The following FNDC3B variants were observed in gnomAD, a reference collection of about 807,000 sequenced individuals.
FNDC3B encodes the protein fibronectin type III domain containing 3B.
FNDC3B carries 12 observed loss-of-function variants against 151.5 expected under a neutral mutation model. That is an observed-to-expected ratio of 0.08 (90% CI 0.05 to 0.13). The LOEUF is 0.13. Among genes scored for constraint, FNDC3B ranks in the 10% least tolerant of loss-of-function variants. FNDC3B has a pLI of 1.00. For missense variants in FNDC3B, 1,214 were observed against 1,505.3 expected, an observed-to-expected ratio of 0.81 and a Z score of 3.20; for synonymous variants, 528 against 549.0, an observed-to-expected ratio of 0.96 and a Z score of 0.54.
At chr3:172,278,140 G>T (rs1482246730) in intron 6 of FNDC3B, among the ~76,000 whole-genome samples, 1 of 152,148 alleles carries the variant, frequency 6.6e-6, no homozygotes, top group African/African-American at 2.4e-5. Flanking sequence ...CTGGATAGGA[G>T]ATATACATAT....
chr3:172,105,410 C>T (rs550247827), intron 1 of FNDC3B, among the ~76,000 whole-genome samples: 5 of 152,148 alleles, frequency 3.3e-5, no homozygotes, highest in African/African-American at 1.2e-4. Context: ...TATAATCACT[C>T]ATAAAACATT....
chr3:172,378,388 G>A lies in FNDC3B; in HGVS notation c.3127G>A (p.Glu1043Lys). 1.2e-6 allele frequency: 2 copies of A among 1,614,000 alleles called. No individual in the cohort carries two copies. Among genetic ancestry groups the A allele is most frequent in the South Asian group, 1.1e-5 (1 of 91,066 alleles). ...CGAGGCTGGAGAAGGGCCCTTCTCA[G>A]AAACCTATACCTTCAGCACAACCAA... The part of the protein sequence containing the change: ...ASEAGEGPFS[E>K]TYTFSTTKSV... The change falls in exon 24 of 26, where the codon GAA (glutamate) becomes AAA (lysine). Residue 1043 changes from glutamate to lysine, a missense_variant. Around this residue, in one of 7 missense-constraint regions of FNDC3B, gnomAD observed 284 missense variants for 392.4 expected, o/e 0.72. Coordinates refer to ENST00000415807, the MANE Select transcript of FNDC3B (RefSeq NM_022763.4).
rs1194106960 is a variant in FNDC3B, at chr3:172,352,540, G to C, written c.2515-263G>C. On this transcript the variant is annotated intron_variant, in intron 21 of 25. Transcript: ENST00000415807. This position sits in a 1 kb window ranked among gnomAD's most constrained non-coding sequence, Gnocchi z 4.2. ...GTAAGATGATGTATAAACTGAAATA[G>C]GTCATGCAAATATAAAATATTATTT... Among the ~76,000 whole-genome samples, 1 of 152,050 alleles carries C rather than the reference G, an allele frequency of 6.6e-6. No homozygotes were observed. The highest frequency in any genetic ancestry group is 1.5e-5 in the Non-Finnish European group (1 of 68,010).
intron 23 of FNDC3B, 57 bp downstream of exon 23, chr3:172,362,902 A>AGTTCACACT: frequency 7.5e-7 from 1 of 1,335,248 alleles, no homozygotes; most frequent in Non-Finnish European, 1.1e-6. Context: ...TGTGGGATGA[A>AGTTCACACT]ATCTCAATTG....
At chr3:172,144,527 T>C (rs550250717) in intron 3 of FNDC3B, among the ~76,000 whole-genome samples, 151 of 152,286 alleles carry the variant, frequency 9.9e-4, no homozygotes, top group Non-Finnish European at 1.8e-3. Context: ...ATTTAGGAGA[T>C]AGTCATGACT....
chr3:172,229,128 C>CACACACAT (rs1553775596), intron 4 of FNDC3B, among the ~76,000 whole-genome samples: 14 of 102,260 alleles, frequency 1.4e-4, no homozygotes, highest in African/African-American at 4.6e-4. Flanking sequence ...CACACACACA[C>CACACACAT]ACACACACAA....
chr3:172,112,116 T>C (rs1720006174), intron 1 of FNDC3B, among the ~76,000 whole-genome samples: 1 of 152,234 alleles, frequency 6.6e-6, no homozygotes, highest in Non-Finnish European at 1.5e-5. Flanking sequence ...TTTGAAAATG[T>C]GTATGAATTT....
At chr3:172,328,836 C>G (rs1732485524) in intron 11 of FNDC3B, 116 bp from the exon 12 acceptor site, 1 of 785,390 alleles carries the variant, frequency 1.3e-6, no homozygotes, top group Non-Finnish European at 1.9e-6. Flanking sequence ...TTTGTTCATT[C>G]AAACTAGGAA....
chr3:172,184,938 C>G (rs1724092953), intron 3 of FNDC3B, among the ~76,000 whole-genome samples: 1 of 151,706 alleles, frequency 6.6e-6, no homozygotes, highest in South Asian at 2.1e-4. Context: ...GATTCAGAAG[C>G]AAAGGAAAAG....
intron 25 of FNDC3B, among the ~76,000 whole-genome samples, chr3:172,386,920 G>A (rs1735744588): frequency 6.6e-6 from 1 of 152,082 alleles, no homozygotes; most frequent in Non-Finnish European, 1.5e-5. Context: ...AGTACCACAA[G>A]GAAAGATCTT....
chr3:172,162,863 G>A (rs1443145408), intron 3 of FNDC3B, among the ~76,000 whole-genome samples: 1 of 152,086 alleles, frequency 6.6e-6, no homozygotes, highest in South Asian at 2.1e-4. Context: ...TCTGATCATA[G>A]CACTAACCAA....
chr3:172,083,150 G>A (rs1718367542), intron 1 of FNDC3B, among the ~76,000 whole-genome samples: 1 of 152,180 alleles, frequency 6.6e-6, no homozygotes, highest in Admixed American at 6.5e-5. Flanking sequence ...TCAAGTGATA[G>A]TTAGCCTGCC....
chr3:172,209,122 C>T lies in FNDC3B; in HGVS notation c.188-17749C>T, dbSNP rs1420999732. On this transcript the variant is annotated intron_variant, in intron 3 of 25. Coordinates refer to ENST00000415807, the MANE Select transcript of FNDC3B (RefSeq NM_022763.4). ...CTCATTGCCTACAGTGCGCAGTGAG[C>T]GGGGGTGGGGGTGGGGGTCGTGTTT... Among the ~76,000 whole-genome samples the T allele has an allele frequency of 9.1e-5, 8 of 88,332 alleles. No homozygotes were observed. In the South Asian group the frequency reaches 2.6e-3, roughly 29 times the overall value. 57.9% of individuals were successfully genotyped at this position (88,332 alleles called of 152,430 possible).
chr3:172,041,180 CT>C (rs1386541477), intron 1 of FNDC3B, among the ~76,000 whole-genome samples: 3 of 152,204 alleles, frequency 2.0e-5, no homozygotes, highest in African/African-American at 7.2e-5. Context: ...CCCCCTCCCC[CT>C]CTTCCCTCCC....
chr3:172,189,799 T>TAAAAAAA (rs60894339), intron 3 of FNDC3B, among the ~76,000 whole-genome samples: 6 of 84,314 alleles, frequency 7.1e-5, no homozygotes, highest in African/African-American at 2.4e-4. Flanking sequence ...AGACCTTGTC[T>TAAAAAAA]AAAAAAAAAA....
chr3:172,157,488 A>C (rs1017228874), intron 3 of FNDC3B, among the ~76,000 whole-genome samples: 1 of 152,200 alleles, frequency 6.6e-6, no homozygotes, highest in Non-Finnish European at 1.5e-5. Flanking sequence ...CACTACCATA[A>C]TTAAAATATG....
intron 23 of FNDC3B, among the ~76,000 whole-genome samples, chr3:172,374,585 G>A (rs1735039486): frequency 6.6e-6 from 1 of 152,016 alleles, no homozygotes; most frequent in Non-Finnish European, 1.5e-5. Flanking sequence ...AGTAGAGATG[G>A]GGTTTCACCA....
At chr3:172,384,574 A>G (rs1735612937) in intron 25 of FNDC3B, among the ~76,000 whole-genome samples, 2 of 152,212 alleles carry the variant, frequency 1.3e-5, no homozygotes, top group Admixed American at 1.3e-4. Flanking sequence ...CACATTTGTT[A>G]TTGTATTGTA....
intron 3 of FNDC3B, among the ~76,000 whole-genome samples, chr3:172,181,705 T>C (rs1384747525): frequency 6.6e-6 from 1 of 151,614 alleles, no homozygotes; most frequent in East Asian, 1.9e-4. Flanking sequence ...GGCACACACC[T>C]GTAGTGCCAG....
Sources: allele counts gnomAD v4.1 joint callset (sites outside exome capture counted in the v4.1 genomes callset), GRCh38; gene constraint gnomAD v4.1.1; regional missense constraint gnomAD v4.1.1; non-coding constraint Gnocchi (gnomAD v3.1); transcripts MANE v1.5; gene names NCBI Gene and HGNC (gene_info 2026-07-23, HGNC 2026-07-21).